Variants in WDR72 observed in about 807,000 individuals in gnomAD.
The protein encoded by WDR72 is WD repeat-containing protein 72.
A neutral mutation model predicts 124.2 loss-of-function variants in WDR72; 120 were observed. The ratio of observed to expected loss-of-function variants is 0.97; its 90% CI spans 0.83 to 1.12. The LOEUF (loss-of-function observed/expected upper bound fraction) is 1.12. Among genes scored for constraint, WDR72 ranks in the 50% most tolerant of loss-of-function variants. WDR72 has a pLI of 0.00. For synonymous variants in WDR72, 452 were observed against 441.7 expected, an observed-to-expected ratio of 1.02 and a Z score of -0.29; for missense variants, 1,387 against 1,278.8, an observed-to-expected ratio of 1.08 and a Z score of -1.29.
intron 18 of WDR72, among the ~76,000 whole-genome samples, chr15:53,563,106 C>T (rs1279492889): frequency 2.6e-5 from 4 of 151,622 alleles, no homozygotes; most frequent in South Asian, 2.1e-4. Context: ...TCATCACTTT[C>T]GGAAAGAAAT....
chr15:53,532,800 G>T (rs915599371), intron 18 of WDR72, among the ~76,000 whole-genome samples: 3 of 152,056 alleles, frequency 2.0e-5, no homozygotes, highest in Middle Eastern at 3.4e-3. Flanking sequence ...CTAACACAAA[G>T]AAATAATAAG....
chr15:53,679,234 G>A (rs2016292700), intron 13 of WDR72, among the ~76,000 whole-genome samples: 1 of 152,180 alleles, frequency 6.6e-6, no homozygotes, highest in African/African-American at 2.4e-5. Flanking sequence ...GGAGATGGAT[G>A]ATGGTGATGG....
At chr15:53,606,511 A>G (rs962137536) in intron 17 of WDR72, among the ~76,000 whole-genome samples, 1 of 152,202 alleles carries the variant, frequency 6.6e-6, no homozygotes, top group Non-Finnish European at 1.5e-5. Flanking sequence ...TGCTCTCAGC[A>G]AGCTTATATA....
At chr15:53,523,886 G>T (rs930206014) in intron 18 of WDR72, among the ~76,000 whole-genome samples, 5 of 151,984 alleles carry the variant, frequency 3.3e-5, no homozygotes, top group Admixed American at 6.6e-5. Context: ...AATAAGAAGG[G>T]CTATTGTTTC....
At chr15:53,722,752 A>G (rs575030715) in intron 3 of WDR72, 50 bp downstream of exon 3, 317 of 1,544,390 alleles carry the variant, frequency 2.1e-4, no homozygotes, top group Non-Finnish European at 2.7e-4. Flanking sequence ...TGTAGTTTTT[A>G]AAAAGGGAAG....
intron 14 of WDR72, among the ~76,000 whole-genome samples, chr15:53,657,090 C>A (rs901828886): frequency 1.3e-5 from 2 of 151,474 alleles, no homozygotes; most frequent in African/African-American, 4.8e-5. Flanking sequence ...CAGTGAAACC[C>A]CGTCTCTACT....
intron 18 of WDR72, among the ~76,000 whole-genome samples, chr15:53,585,909 C>G (rs1467336890): frequency 2.0e-5 from 3 of 152,166 alleles, no homozygotes; most frequent in Non-Finnish European, 4.4e-5. Context: ...TACGTCTCTT[C>G]ATGTCTGCCA....
intron 14 of WDR72, among the ~76,000 whole-genome samples, chr15:53,617,267 A>G (rs1424657304): frequency 2.6e-5 from 4 of 151,820 alleles, no homozygotes; most frequent in Admixed American, 2.0e-4. Flanking sequence ...AAATATACAT[A>G]TATAGGGAAC....
At chr15:53,731,834 C>G (rs571523084) in intron 2 of WDR72, among the ~76,000 whole-genome samples, 2 of 152,162 alleles carry the variant, frequency 1.3e-5, no homozygotes, top group Admixed American at 1.3e-4. Flanking sequence ...AGCATGCACT[C>G]AACAAATGTA....
chr15:53,673,416 T>C (rs2016060762), intron 13 of WDR72, among the ~76,000 whole-genome samples: 1 of 152,190 alleles, frequency 6.6e-6, no homozygotes, highest in South Asian at 2.1e-4. Flanking sequence ...GGATTAACAC[T>C]TTATCATGTT....
intron 14 of WDR72, among the ~76,000 whole-genome samples, chr15:53,619,211 G>T (rs2140373239): frequency 6.7e-6 from 1 of 149,996 alleles, no homozygotes; most frequent in Non-Finnish European, 1.5e-5. Context: ...TGTGGATATG[G>T]CTCTGCTTTT....
rs545650386 is a variant in WDR72, at chr15:53,528,896, G to A, written c.3149-5574C>T. The stretch of plus-strand genomic sequence containing the variant: ...TTTGAGCAATGGGCTGCCTCAGTAA[G>A]GCTGATAAGCAAGCAGATACTGCAC... On this transcript the variant is annotated intron_variant, in intron 18 of 19. Transcript: ENST00000360509. 5.3e-5 allele frequency among the ~76,000 whole-genome samples: 8 copies of A among 151,996 alleles called. No individual in the cohort carries two copies. The South Asian group carries it at 1.4e-3, about 28-fold the overall frequency.
intron 18 of WDR72, among the ~76,000 whole-genome samples, chr15:53,569,646 G>A (rs1894434211): frequency 6.6e-6 from 1 of 152,026 alleles, no homozygotes; most frequent in African/African-American, 2.4e-5. Context: ...TGTGGTACCA[G>A]AAGATATGAA....
Position 53,722,996 on chromosome 15 carries a change from G to T in WDR72, c.154-88C>A, listed in dbSNP as rs16966567. ...AATATAGTATTCATAACTCTGATTAGGAAATTCTGTTGTTTTTGTTGTATA... is the reference window on the plus strand; with the variant it reads ...AATATAGTATTCATAACTCTGATTATGAAATTCTGTTGTTTTTGTTGTATA... On this transcript the variant is annotated intron_variant, in intron 2 of 19. Transcript: ENST00000360509. 5,131 of 1,264,644 alleles carry T rather than the reference G, an allele frequency of 4.1e-3. 164 individuals are homozygous for T. The African/African-American group carries it at 0.066, about 16-fold the overall frequency. The allele number at this position is 1,264,644 out of a possible 1,614,324, so 78.3% of individuals were successfully genotyped here. A position where few individuals can be genotyped will look rare whatever the true frequency, so the allele number is the denominator to read the frequency against.
chr15:53,605,804 G>A (rs1370317262), intron 17 of WDR72, among the ~76,000 whole-genome samples: 5 of 151,912 alleles, frequency 3.3e-5, no homozygotes, highest in Admixed American at 6.6e-5. Flanking sequence ...GCAGTGAGCC[G>A]AGATCATGCC....
intron 14 of WDR72, among the ~76,000 whole-genome samples, chr15:53,631,889 T>C (rs1313401393): frequency 6.6e-6 from 1 of 151,856 alleles, no homozygotes; most frequent in Non-Finnish European, 1.5e-5. Flanking sequence ...CAAAGAGAAG[T>C]AGAGAAAAGA....
chr15:53,522,321 A>C (rs1416072874), intron 19 of WDR72, among the ~76,000 whole-genome samples: 2 of 152,054 alleles, frequency 1.3e-5, no homozygotes, highest in Non-Finnish European at 2.9e-5. Context: ...CACAGAGAGG[A>C]TGAATCAAAA....
intron 14 of WDR72, among the ~76,000 whole-genome samples, chr15:53,620,298 A>G (rs2013938626): frequency 6.6e-6 from 1 of 152,044 alleles, no homozygotes; most frequent in Non-Finnish European, 1.5e-5. Context: ...ATATGCCAAA[A>G]ATTCATATAT....
chr15:53,761,388 C>G (rs774787102), upstream of WDR72, among the ~76,000 whole-genome samples: 5 of 152,058 alleles, frequency 3.3e-5, no homozygotes, highest in Non-Finnish European at 7.4e-5. Flanking sequence ...ATAAGTACAA[C>G]CACTATGGAG....
Sources: allele counts gnomAD v4.1 joint callset (sites outside exome capture counted in the v4.1 genomes callset), GRCh38; gene constraint gnomAD v4.1.1; transcripts MANE v1.5; gene names NCBI Gene and HGNC (gene_info 2026-07-23, HGNC 2026-07-21).